CTNNA3: variants seen among roughly 807,000 people sequenced by gnomAD.
CTNNA3 encodes the protein catenin alpha-3.
In CTNNA3, 76 loss-of-function variants were observed where a neutral mutation model predicts 95.7. The observed-to-expected ratio is 0.79, with a 90% CI of 0.66 to 0.96. The LOEUF (loss-of-function observed/expected upper bound fraction) is 0.96. CTNNA3 is among the 40% of genes least tolerant of loss of function. The pLI is 0.00. For synonymous variants in CTNNA3, 431 were observed against 374.4 expected (o/e 1.15, Z -1.74); for missense variants, 1,191 against 1,089.8 (o/e 1.09, Z -1.31).
chr10:66,605,279 T>G (rs1844078259), intron 10 of CTNNA3, among the ~76,000 whole-genome samples: 1 of 151,850 alleles, frequency 6.6e-6, no homozygotes, highest in Non-Finnish European at 1.5e-5. Flanking sequence ...GAAAAGGAAT[T>G]AATAAAACCT....
intron 13 of CTNNA3, among the ~76,000 whole-genome samples, chr10:66,260,411 G>T (rs1482343766): frequency 1.3e-5 from 2 of 151,978 alleles, no homozygotes; most frequent in Non-Finnish European, 2.9e-5. Context: ...CATTCTTTCT[G>T]TACCCACAAA....
chr10:66,775,659 T>G lies in CTNNA3; in HGVS notation c.1048-135A>C. On this transcript the variant is annotated intron_variant, in intron 7 of 17. Coordinates refer to ENST00000433211, the MANE Select transcript of CTNNA3 (RefSeq NM_013266.4). Reference sequence around the variant, plus strand: ...TTCAAAACTGCTATATTATATATGATTCATGAGCATTTCACTTAAGACTAA... The same window carrying G: ...TTCAAAACTGCTATATTATATATGAGTCATGAGCATTTCACTTAAGACTAA... 4 of 605,296 alleles carry G rather than the reference T, an allele frequency of 6.6e-6. No homozygotes were observed. In the South Asian group the frequency reaches 8.6e-5, roughly 13 times the overall value. The allele number at this position is 605,296 out of a possible 1,614,324, so 37.5% of individuals were successfully genotyped here.
At chr10:66,751,994 G>A (rs1403813911) in intron 9 of CTNNA3, among the ~76,000 whole-genome samples, 11 of 152,118 alleles carry the variant, frequency 7.2e-5, no homozygotes, top group African/African-American at 2.7e-4. Context: ...GTGGATTGGA[G>A]AACTCAATAC....
chr10:65,967,335 T>A (rs191666460), intron 16 of CTNNA3, among the ~76,000 whole-genome samples: 17 of 152,314 alleles, frequency 1.1e-4, no homozygotes, highest in African/African-American at 3.6e-4. Context: ...GTTAGAAGCC[T>A]TCAGATTATA....
At chr10:66,465,719 C>T (rs955364148) in intron 11 of CTNNA3, among the ~76,000 whole-genome samples, 4 of 152,076 alleles carry the variant, frequency 2.6e-5, no homozygotes, top group African/African-American at 7.2e-5. Flanking sequence ...GGAAAGGAAA[C>T]ATCAGATGGA....
At chr10:67,566,735 G>A (rs1841817524) in intron 3 of CTNNA3, among the ~76,000 whole-genome samples, 1 of 151,902 alleles carries the variant, frequency 6.6e-6, no homozygotes, top group East Asian at 1.9e-4. Flanking sequence ...TGTTTATTGC[G>A]GCACTCTTCA....
intron 13 of CTNNA3, among the ~76,000 whole-genome samples, chr10:66,207,619 C>A (rs972168574): frequency 1.3e-5 from 2 of 151,996 alleles, no homozygotes; most frequent in Admixed American, 6.6e-5. Context: ...TGCCAAATAA[C>A]AATTCCAACA....
chr10:66,431,603 G>A (rs1429924518), intron 11 of CTNNA3, among the ~76,000 whole-genome samples: 1 of 151,920 alleles, frequency 6.6e-6, no homozygotes, highest in East Asian at 1.9e-4. Flanking sequence ...GTAGGGACGT[G>A]GATGAAGCTG....
intron 5 of CTNNA3, among the ~76,000 whole-genome samples, chr10:67,242,063 C>T (rs1865734327): frequency 6.6e-6 from 1 of 152,178 alleles, no homozygotes; most frequent in African/African-American, 2.4e-5. Flanking sequence ...TAACTCTGCC[C>T]ATCTGCGGTG....
chr10:67,300,529 G>A (rs1401773565), intron 5 of CTNNA3, among the ~76,000 whole-genome samples: 1 of 152,132 alleles, frequency 6.6e-6, no homozygotes. Flanking sequence ...TAGCATTTCC[G>A]TTTCCCCAAG....
intron 7 of CTNNA3, among the ~76,000 whole-genome samples, chr10:66,920,271 T>G (rs1192093202): frequency 6.6e-6 from 1 of 152,242 alleles, no homozygotes; most frequent in Non-Finnish European, 1.5e-5. Context: ...CTTAAAAGTT[T>G]ATAAGTCAGG....
intron 7 of CTNNA3, among the ~76,000 whole-genome samples, chr10:67,021,336 A>G (rs1332941357): frequency 6.6e-6 from 1 of 152,274 alleles, no homozygotes; most frequent in South Asian, 2.1e-4. Context: ...AAATGTAAGA[A>G]GCACTTGTAT....
intron 1 of CTNNA3, among the ~76,000 whole-genome samples, chr10:67,761,193 T>C (rs1564848025): frequency 6.6e-6 from 1 of 152,216 alleles, no homozygotes; most frequent in Non-Finnish European, 1.5e-5. Flanking sequence ...TAAAGTTTTA[T>C]GGGACTGCTG....
chr10:66,691,702 A>C (rs143253952), intron 9 of CTNNA3, among the ~76,000 whole-genome samples: 55 of 152,250 alleles, frequency 3.6e-4, no homozygotes, highest in African/African-American at 1.3e-3. Context: ...CCTAAGAGGG[A>C]GGCATCCCCC....
intron 5 of CTNNA3, among the ~76,000 whole-genome samples, chr10:67,431,043 T>C (rs762800998): frequency 6.6e-6 from 1 of 152,028 alleles, no homozygotes; most frequent in Non-Finnish European, 1.5e-5. Flanking sequence ...GTAAATGGCA[T>C]TAAGCATGAA....
chr10:66,048,277 C>CA (rs2079872562), intron 15 of CTNNA3, among the ~76,000 whole-genome samples: 1 of 152,106 alleles, frequency 6.6e-6, no homozygotes, highest in Admixed American at 6.6e-5. Flanking sequence ...CAGAAACCGA[C>CA]AAATAGACCA....
intron 10 of CTNNA3, among the ~76,000 whole-genome samples, chr10:66,555,959 C>T (rs1408112889): frequency 1.3e-5 from 2 of 151,952 alleles, no homozygotes; most frequent in African/African-American, 2.4e-5. Flanking sequence ...TATTTGCAAA[C>T]TAGGCATCTG....
At chr10:65,943,756 T>G (rs947035341) in intron 17 of CTNNA3, among the ~76,000 whole-genome samples, 4 of 152,186 alleles carry the variant, frequency 2.6e-5, no homozygotes, top group African/African-American at 9.7e-5. Context: ...TCCCCCAGTT[T>G]TATCTTAGAA....
intron 7 of CTNNA3, among the ~76,000 whole-genome samples, chr10:66,836,208 G>T (rs192924609): frequency 7.9e-5 from 12 of 152,228 alleles, no homozygotes; most frequent in African/African-American, 2.9e-4. Context: ...ATGTTTGCTA[G>T]CCAGCTCCAG....
Sources: allele counts gnomAD v4.1 joint callset (sites outside exome capture counted in the v4.1 genomes callset), GRCh38; gene constraint gnomAD v4.1.1; transcripts MANE v1.5; gene names NCBI Gene and HGNC (gene_info 2026-07-23, HGNC 2026-07-21).